Variants in SERHL2 observed in about 807,000 individuals in gnomAD.
SERHL2 encodes serine hydrolase-like protein 2.
In SERHL2, 29 loss-of-function variants were observed where a neutral mutation model predicts 25.5. That is an observed-to-expected ratio of 1.14 (90% confidence interval 0.85 to 1.55). The LOEUF is 1.55. Ranked by LOEUF, SERHL2 falls within the 40% of genes most tolerant of loss-of-function variation. The pLI, the probability that SERHL2 is intolerant of heterozygous loss-of-function variation, is 0.00. For synonymous variants in SERHL2, 95 were observed against 103.5 expected (o/e 0.92, Z 0.50); for missense variants, 240 against 252.3 (o/e 0.95, Z 0.33).
At chr22:42,572,831 A>G (rs1037483086) in intron 11 of SERHL2, 2 of 473,098 alleles carry the variant, frequency 4.2e-6, no homozygotes, top group African/African-American at 4.2e-5. Context: ...TGCCCAGCTA[A>G]TTTTTATATT....
chr22:42,560,210 G>C lies in SERHL2; in HGVS notation c.558G>C (p.Leu186Phe), dbSNP rs1285381117. The C allele has an allele frequency of 2.5e-6, 4 of 1,612,778 alleles. No individual in the cohort carries two copies. Among genetic ancestry groups the C allele is most frequent in the Admixed American group, 1.7e-5 (1 of 59,996 alleles). ...GGTTACTGAAGAGCAATAGCCACTTGAGTGAGGAGTGCGGGGAGCTTCTCC... is the reference window on the plus strand; with the variant it reads ...GGTTACTGAAGAGCAATAGCCACTTCAGTGAGGAGTGCGGGGAGCTTCTCC... ...LQRLLKSNSH[L>F]SEECGELLLQ... The change falls in exon 8 of 12, where the codon TTG (leucine) becomes TTC (phenylalanine). Residue 186 changes from leucine to phenylalanine, a missense_variant. By Grantham distance (22) the Leu-to-Phe change is conservative (BLOSUM62 0). Transcript: ENST00000327678.
intron 8 of SERHL2, 148 bp from the exon 9 acceptor site, chr22:42,566,156 G>A (rs1601846360): frequency 1.4e-6 from 1 of 715,766 alleles, no homozygotes; most frequent in East Asian, 2.7e-5. Flanking sequence ...CCCAGGACAG[G>A]GAGTCCTGGG....
chr22:42,571,068 A>C, intron 9 of SERHL2, 53 bp from the exon 10 acceptor site: 3 of 1,611,666 alleles, frequency 1.9e-6, no homozygotes, highest in Non-Finnish European at 2.5e-6. Flanking sequence ...TTTCGTGCCC[A>C]CGAGAGTGCC....
In SERHL2 at chr22:42,554,007, GC is replaced by G. The variant is rs1425851185; in HGVS notation, c.-13del. On this transcript the variant is annotated 5_prime_UTR_variant, in exon 1 of 12. Coordinates refer to ENST00000327678, the MANE Select transcript of SERHL2 (RefSeq NM_014509.5). Reference sequence around the variant, plus strand: ...GTGAGGGAGTGACAGCAGCGCATTCGCGGGACGAGAGCGATGAGTGAGAACG... The same window carrying G: ...GTGAGGGAGTGACAGCAGCGCATTCGGGGACGAGAGCGATGAGTGAGAACG... 13 of 1,613,364 alleles carry G rather than the reference GC, an allele frequency of 8.1e-6. No homozygotes were observed. The highest frequency in any genetic ancestry group is 1.0e-5 in the Non-Finnish European group (12 of 1,179,750).
At position 42,567,383 on chromosome 22, in the gene SERHL2, G is replaced by A. The variant is rs564497578; in HGVS notation, c.648+1045G>A. Among the ~76,000 whole-genome samples, 5 of 151,370 alleles carry A rather than the reference G, an allele frequency of 3.3e-5. No homozygotes were observed. The South Asian group carries it at 6.3e-4, about 19-fold the overall frequency. ...TTGTGTTTTAAAAGTTCGATTTTTCGGCCGGGCGCGGTGGCTCACGCCTGT... is the reference window on the plus strand; with the variant it reads ...TTGTGTTTTAAAAGTTCGATTTTTCAGCCGGGCGCGGTGGCTCACGCCTGT... On this transcript the variant is annotated intron_variant, in intron 9 of 11. Coordinates refer to ENST00000327678, the MANE Select transcript of SERHL2 (RefSeq NM_014509.5).
intron 9 of SERHL2, 33 bp downstream of exon 9, chr22:42,566,371 G>GT: frequency 1.2e-6 from 2 of 1,607,988 alleles, no homozygotes; most frequent in Non-Finnish European, 1.7e-6. Flanking sequence ...CCCCCGCCAA[G>GT]GTTTGCCTGT....
In SERHL2 at chr22:42,573,789, G is replaced by A. The variant is rs1227025938; in HGVS notation, c.826-147G>A. ...TGCTATGGACTGTCGGGGCTCCAAG[G>A]AGCCGAGTGTGGGGGAAACTCACTG... On this transcript the variant is annotated intron_variant, in intron 11 of 11. Coordinates refer to ENST00000327678, the MANE Select transcript of SERHL2 (RefSeq NM_014509.5). 5 of 787,818 alleles carry A rather than the reference G, an allele frequency of 6.3e-6. No individual in the cohort carries two copies. The African/African-American group carries it at 8.7e-5, about 14-fold the overall frequency. The allele number at this position is 787,818 out of a possible 1,614,324, so 48.8% of individuals were successfully genotyped here.
chr22:42,562,685 C>T (rs1922836948), intron 8 of SERHL2, among the ~76,000 whole-genome samples: 1 of 151,924 alleles, frequency 6.6e-6, no homozygotes, highest in East Asian at 1.9e-4. Context: ...CTCCTACGGA[C>T]TCCAGGAGGA....
intron 7 of SERHL2, 33 bp from the exon 8 acceptor site, chr22:42,560,153 C>G (rs745543655): frequency 3.8e-6 from 6 of 1,560,060 alleles, no homozygotes; most frequent in Non-Finnish European, 4.4e-6. Flanking sequence ...TTATTGGCCT[C>G]CAGGCACCCA....
chr22:42,559,842 C>G (rs1049463263), intron 7 of SERHL2, among the ~76,000 whole-genome samples: 1 of 151,966 alleles, frequency 6.6e-6, no homozygotes, highest in African/African-American at 2.4e-5. Context: ...GACCAAATCT[C>G]GCTCTGTTCC....
At position 42,566,162 on chromosome 22, in the gene SERHL2, C is replaced by G; in HGVS notation, c.614-142C>G. On this transcript the variant is annotated intron_variant, in intron 8 of 11. Transcript: ENST00000327678. Reference sequence around the variant, plus strand: ...CAGCTGGACCCCAGGACAGGGAGTCCTGGGCAGCTGAGGACGTCGGGGGCA... The same window carrying G: ...CAGCTGGACCCCAGGACAGGGAGTCGTGGGCAGCTGAGGACGTCGGGGGCA... The G allele has an allele frequency of 5.3e-6, 4 of 761,858 alleles. No individual in the cohort carries two copies. The South Asian group carries it at 6.3e-5, about 12-fold the overall frequency. The allele number at this position is 761,858 out of a possible 1,614,324, so 47.2% of individuals were successfully genotyped here.
Position 42,571,093 on chromosome 22 carries a change from A to T in SERHL2, c.649-28A>T, listed in dbSNP as rs774940398. The T allele has an allele frequency of 4.3e-6, 7 of 1,613,044 alleles. No homozygotes were observed. The African/African-American group carries it at 9.3e-5, about 22-fold the overall frequency. On this transcript the variant is annotated intron_variant, in intron 9 of 11. Coordinates refer to ENST00000327678, the MANE Select transcript of SERHL2 (RefSeq NM_014509.5). ...ACGAGAGTGCCTGTGCCTTGTGACG[A>T]GAATTCACCATGTTTTTGTCTCTGC...
intron 8 of SERHL2, among the ~76,000 whole-genome samples, chr22:42,562,768 G>A: frequency 6.6e-6 from 1 of 151,898 alleles, no homozygotes; most frequent in African/African-American, 2.4e-5. Flanking sequence ...GCAGAGATGA[G>A]CTCTTTATCT....
In SERHL2 at chr22:42,571,201, CAAGT is replaced by C; in HGVS notation, c.731+3_731+6del. The C allele has an allele frequency of 3.0e-3, 4,816 of 1,613,242 alleles. 68 individuals are homozygous for C. Among genetic ancestry groups the C allele is most frequent in the Non-Finnish European group, 3.2e-3 (3,752 of 1,179,562 alleles). Reference sequence around the variant, plus strand: ...AGCTGCAGGCCCATGTCCTGTTGATCAAGTAAGTCTGGACCCATCCCCTTCAGCC... The same window carrying C: ...AGCTGCAGGCCCATGTCCTGTTGATCAAGTCTGGACCCATCCCCTTCAGCC... On this transcript the variant is annotated splice_donor_variant and coding_sequence_variant, in exon 10 of 12. Coordinates refer to ENST00000327678, the MANE Select transcript of SERHL2 (RefSeq NM_014509.5). LOFTEE classifies it high-confidence loss of function.
chr22:42,560,142 T>C (rs1922501233), intron 7 of SERHL2, 44 bp from the exon 8 acceptor site: 1 of 1,494,538 alleles, frequency 6.7e-7, no homozygotes, highest in Admixed American at 1.7e-5. Context: ...TGACCTCCTT[T>C]TTATTGGCCT....
chr22:42,565,171 C>CGG (rs923600588), intron 8 of SERHL2: 1 of 150,508 alleles, frequency 6.6e-6, no homozygotes, highest in African/African-American at 2.4e-5. Context: ...CCTCCTCTAT[C>CGG]GGGGATGGTC....
chr22:42,567,600 C>T (rs1923572751), intron 9 of SERHL2, among the ~76,000 whole-genome samples: 1 of 151,402 alleles, frequency 6.6e-6, no homozygotes, highest in African/African-American at 2.4e-5. Flanking sequence ...GGAAGCAGAG[C>T]TTGCAGTGAG....
In SERHL2 at chr22:42,560,284, C is replaced by G. The variant is rs371875204; in HGVS notation, c.613+19C>G. 1.9e-6 allele frequency: 3 copies of G among 1,565,346 alleles called. No homozygotes were observed. The African/African-American group carries it at 4.1e-5, about 21-fold the overall frequency. ...GCCACAGGTAAGGGACTCTACTGTC[C>G]AAGGCCATTTTATATTTGTCACTAT... On this transcript the variant is annotated intron_variant, in intron 8 of 11. Coordinates refer to ENST00000327678, the MANE Select transcript of SERHL2 (RefSeq NM_014509.5).
chr22:42,568,811 C>A (rs13053951), intron 9 of SERHL2, among the ~76,000 whole-genome samples: 1 of 152,002 alleles, frequency 6.6e-6, no homozygotes, highest in African/African-American at 2.4e-5. Context: ...CCAAAAAATA[C>A]AAAAATTAGC....
Sources: gnomAD v4.1 joint callset for allele counts (sites outside exome capture counted in the v4.1 genomes callset) on GRCh38, gnomAD v4.1.1 for gene constraint, MANE v1.5 for transcripts, NCBI Gene and HGNC (gene_info 2026-07-23, HGNC 2026-07-21) for gene names.